KCNQ5: variants seen among roughly 807,000 people sequenced by gnomAD.
The protein encoded by KCNQ5 is potassium voltage-gated channel subfamily Q member 5, also known as potassium voltage-gated channel subfamily KQT member 5.
Under a neutral mutation model 98.2 loss-of-function variants are expected in KCNQ5, and 30 were observed. That is an observed-to-expected ratio of 0.31 (90% confidence interval 0.23 to 0.41). KCNQ5 has a LOEUF of 0.41. Among genes scored for constraint, KCNQ5 ranks in the 10% least tolerant of loss-of-function variants. The probability of loss-of-function intolerance (pLI) is 1.00; values close to 1 mark genes in which losing one functional copy is unlikely to be tolerated. For missense variants in KCNQ5, 835 were observed against 1,182.5 expected (o/e 0.71, Z 4.31); for synonymous variants, 458 against 449.4 (o/e 1.02, Z -0.24).
rs542236549 is a variant in KCNQ5, at chr6:73,000,042, G to T, written c.399-3866G>T. Among the ~76,000 whole-genome samples the T allele has an allele frequency of 6.0e-4, 92 of 152,082 alleles. 1 individual carries two copies. Among genetic ancestry groups the T allele is most frequent in the Non-Finnish European group, 2.1e-4 (14 of 68,004 alleles). ...TGGAGGACCGTGGACTCTACATTAG[G>T]ATAGCCTGAGCCCAGTGACTCTTGC... On this transcript the variant is annotated intron_variant, in intron 1 of 13. Coordinates refer to ENST00000370398, the MANE Select transcript of KCNQ5 (RefSeq NM_019842.4).
At chr6:72,729,161 T>C (rs1014627319) in intron 1 of KCNQ5, among the ~76,000 whole-genome samples, 2 of 152,166 alleles carry the variant, frequency 1.3e-5, no homozygotes, top group Admixed American at 1.3e-4. Flanking sequence ...ACAGGACAAA[T>C]GAGGTGTTTC....
intron 1 of KCNQ5, among the ~76,000 whole-genome samples, chr6:72,693,433 G>A (rs1237238768): frequency 3.9e-5 from 6 of 152,160 alleles, no homozygotes; most frequent in Admixed American, 3.9e-4. Flanking sequence ...GCGCTGGTAG[G>A]TTCACTTCAT....
intron 1 of KCNQ5, among the ~76,000 whole-genome samples, chr6:72,984,063 T>C (rs570726041): frequency 2.0e-5 from 3 of 152,318 alleles, no homozygotes; most frequent in African/African-American, 7.2e-5. Context: ...TATTGCTGCC[T>C]GACCCTTCCT....
chr6:72,963,202 T>C (rs1767456888), intron 1 of KCNQ5, among the ~76,000 whole-genome samples: 1 of 152,204 alleles, frequency 6.6e-6, no homozygotes, highest in Non-Finnish European at 1.5e-5. Flanking sequence ...AGGTCTAAAG[T>C]AAAATATTTT....
At chr6:73,108,826 C>CA (rs968076185) in intron 6 of KCNQ5, among the ~76,000 whole-genome samples, 53 of 151,010 alleles carry the variant, frequency 3.5e-4, no homozygotes, top group Admixed American at 1.3e-3. Context: ...GACTCCATCT[C>CA]AAAAAAAATA....
At chr6:73,016,105 A>G (rs941388427) in intron 2 of KCNQ5, among the ~76,000 whole-genome samples, 1 of 152,176 alleles carries the variant, frequency 6.6e-6, no homozygotes, top group South Asian at 2.1e-4. Flanking sequence ...GAAAATCAAT[A>G]TATTAGATAT....
intron 1 of KCNQ5, among the ~76,000 whole-genome samples, chr6:72,829,322 A>G (rs1400430292): frequency 1.3e-5 from 2 of 152,200 alleles, no homozygotes; most frequent in Admixed American, 6.6e-5. Context: ...TAATGCAGCA[A>G]TTAGACAGAT....
intron 1 of KCNQ5, among the ~76,000 whole-genome samples, chr6:72,842,814 C>A (rs1422520109): frequency 6.6e-6 from 1 of 152,028 alleles, no homozygotes; most frequent in Non-Finnish European, 1.5e-5. Flanking sequence ...ATATCTTTTG[C>A]CCACTTTTTG....
intron 1 of KCNQ5, among the ~76,000 whole-genome samples, chr6:72,776,895 G>A (rs920932026): frequency 1.3e-5 from 2 of 152,134 alleles, no homozygotes; most frequent in Non-Finnish European, 2.9e-5. Context: ...TGAAATGAAG[G>A]AACAGGTTCA....
chr6:73,023,827 TATTA>T (rs1178619128), intron 2 of KCNQ5, among the ~76,000 whole-genome samples: 1 of 152,184 alleles, frequency 6.6e-6, no homozygotes, highest in African/African-American at 2.4e-5. Flanking sequence ...GACTTATTGA[TATTA>T]ATTATTTTAA....
chr6:72,754,659 T>C (rs1367898247), intron 1 of KCNQ5, among the ~76,000 whole-genome samples: 1 of 152,006 alleles, frequency 6.6e-6, no homozygotes, highest in Non-Finnish European at 1.5e-5. Flanking sequence ...TCAAGAAATG[T>C]TGCTGTATGG....
chr6:72,753,804 G>A (rs1346577010), intron 1 of KCNQ5, among the ~76,000 whole-genome samples: 3 of 152,046 alleles, frequency 2.0e-5, no homozygotes, highest in African/African-American at 7.2e-5. Context: ...TGAATTGTAA[G>A]AGCTCTTTAT....
rs1385248852 is a variant in KCNQ5 at position 73,129,830 on chromosome 6, T to C, written c.1248-3591T>C. The C allele has an allele frequency of 3.1e-6, 5 of 1,613,106 alleles. No homozygotes were observed. In the South Asian group the frequency reaches 5.5e-5, roughly 18 times the overall value. On this transcript the variant is annotated intron_variant, in intron 9 of 13. Coordinates refer to ENST00000370398, the MANE Select transcript of KCNQ5 (RefSeq NM_019842.4). ...TAATAAGCAGAAGCTCTTCAGAATG[T>C]ACACCTCACGGAAGCAGAGGTACCC... is the stretch of plus-strand genomic sequence containing the variant.
In KCNQ5 at chr6:73,157,889, C is replaced by G. The variant is rs186343427; in HGVS notation, c.1469-11857C>G. The G allele has an allele frequency of 4.3e-4, 338 of 777,444 alleles. 1 individual carries two copies. The East Asian group carries it at 5.1e-3, about 12-fold the overall frequency. 48.2% of individuals were successfully genotyped at this position (777,444 alleles called of 1,614,324 possible). ...GGATCTAAGCGAATATCGTTCAGCGCATTTTTGGCCGCTTCTGCTCCTGCC... is the reference window on the plus strand; with the variant it reads ...GGATCTAAGCGAATATCGTTCAGCGGATTTTTGGCCGCTTCTGCTCCTGCC... On this transcript the variant is annotated intron_variant, in intron 10 of 13. Coordinates refer to ENST00000370398, the MANE Select transcript of KCNQ5 (RefSeq NM_019842.4).
At chr6:72,745,449 C>T (rs919705108) in intron 1 of KCNQ5, among the ~76,000 whole-genome samples, 2 of 152,204 alleles carry the variant, frequency 1.3e-5, no homozygotes, top group East Asian at 1.9e-4. Context: ...TTGTCAGTAA[C>T]GGCAGCAATC....
At chr6:73,021,685 G>A (rs1413598028) in intron 2 of KCNQ5, among the ~76,000 whole-genome samples, 1 of 152,100 alleles carries the variant, frequency 6.6e-6, no homozygotes. Flanking sequence ...TGTACTAATA[G>A]CAAGCTTTTT....
Position 72,755,564 on chromosome 6 carries a change from G to A in KCNQ5, c.398+132977G>A, listed in dbSNP as rs899038916. On this transcript the variant is annotated intron_variant, in intron 1 of 13. Coordinates refer to ENST00000370398, the MANE Select transcript of KCNQ5 (RefSeq NM_019842.4). ...CAGTAAATATCTTTAAGCTATCACAGTCTATCTTCAAGTAATTTATATCAT... is the reference window on the plus strand; with the variant it reads ...CAGTAAATATCTTTAAGCTATCACAATCTATCTTCAAGTAATTTATATCAT... 4.2e-4 allele frequency among the ~76,000 whole-genome samples: 64 copies of A among 151,946 alleles called. 1 individual carries two copies. Among genetic ancestry groups the A allele is most frequent in the African/African-American group, 1.4e-3 (59 of 41,364 alleles).
intron 1 of KCNQ5, among the ~76,000 whole-genome samples, chr6:72,674,615 C>CA (rs1218464752): frequency 6.6e-6 from 1 of 152,000 alleles, no homozygotes; most frequent in Non-Finnish European, 1.5e-5. Context: ...ACTAAAAATA[C>CA]AAAAATTAGC....
At chr6:72,630,128 T>C (rs981734405) in intron 1 of KCNQ5, among the ~76,000 whole-genome samples, 2 of 152,204 alleles carry the variant, frequency 1.3e-5, no homozygotes, top group African/African-American at 4.8e-5. Context: ...TTAGTGTAAA[T>C]ATTTCTATTT....
Sources: allele counts gnomAD v4.1 joint callset (sites outside exome capture counted in the v4.1 genomes callset), GRCh38; gene constraint gnomAD v4.1.1; transcripts MANE v1.5; gene names NCBI Gene and HGNC (gene_info 2026-07-23, HGNC 2026-07-21).